The following CNTN5 variants were observed in gnomAD, a reference collection of about 807,000 sequenced individuals.
CNTN5 encodes contactin 5.
CNTN5 carries 77 observed loss-of-function variants against 129.1 expected under a neutral mutation model. That is an observed-to-expected ratio of 0.60 (90% CI 0.50 to 0.72). The LOEUF is 0.72. CNTN5 is among the 30% of genes least tolerant of loss of function. The pLI, the probability that CNTN5 is intolerant of heterozygous loss-of-function variation, is 0.00. For missense variants in CNTN5, 1,478 were observed against 1,328.8 expected (o/e 1.11, Z -1.75); for synonymous variants, 509 against 465.6 (o/e 1.09, Z -1.20).
At chr11:99,245,185 G>A (rs540838535) in intron 1 of CNTN5, among the ~76,000 whole-genome samples, 17 of 152,248 alleles carry the variant, frequency 1.1e-4, no homozygotes, top group Admixed American at 3.9e-4. Flanking sequence ...ACTGATGGTC[G>A]TTCTTTGAAT....
chr11:99,727,944 A>G (rs769803436), intron 3 of CNTN5, among the ~76,000 whole-genome samples: 6 of 152,172 alleles, frequency 3.9e-5, no homozygotes, highest in Admixed American at 6.5e-5. Context: ...AGTTTAAATC[A>G]TTTGTCTGAG....
At position 99,745,974 on chromosome 11, in the gene CNTN5, T is replaced by C. The variant is rs150764615; in HGVS notation, c.56-73570T>C. 3.2e-3 allele frequency among the ~76,000 whole-genome samples: 494 copies of C among 152,248 alleles called. 3 individuals carry two copies. The highest frequency in any genetic ancestry group is 0.011 in the African/African-American group (437 of 41,536). On this transcript the variant is annotated intron_variant, in intron 3 of 24. Transcript: ENST00000524871. ...CTTCCATTGGTGGAGGTGACAAATATGTTCAGGGAAGTATTACCAAAAAAG... is the reference window on the plus strand; with the variant it reads ...CTTCCATTGGTGGAGGTGACAAATACGTTCAGGGAAGTATTACCAAAAAAG...
intron 13 of CNTN5, among the ~76,000 whole-genome samples, chr11:100,131,362 G>T (rs1324474942): frequency 6.6e-6 from 1 of 152,070 alleles, no homozygotes; most frequent in African/African-American, 2.4e-5. Flanking sequence ...GTGAGGATTT[G>T]AGTGACTGGG....
At chr11:99,060,583 A>G (rs1864832419) in intron 1 of CNTN5, among the ~76,000 whole-genome samples, 1 of 151,464 alleles carries the variant, frequency 6.6e-6, no homozygotes, top group African/African-American at 2.4e-5. Flanking sequence ...CAGGAAGAAA[A>G]GAAATGAGCT....
chr11:99,796,115 A>G lies in CNTN5; in HGVS notation c.56-23429A>G, dbSNP rs117332088. 3.0e-3 allele frequency among the ~76,000 whole-genome samples: 461 copies of G among 152,270 alleles called. 2 individuals carry two copies. The highest frequency in any genetic ancestry group is 5.2e-3 in the Non-Finnish European group (355 of 68,014). On this transcript the variant is annotated intron_variant, in intron 3 of 24. Transcript: ENST00000524871. The stretch of plus-strand genomic sequence containing the variant: ...AGGGCCACTGGCATCTGTGCACTCA[A>G]TCACACTGCTAGCAGTGTTGGCATG...
rs1249698333 is a variant in CNTN5, at chr11:100,051,669, ACT to A, written c.981-9541_981-9540del. 5.9e-5 allele frequency among the ~76,000 whole-genome samples: 9 copies of A among 151,924 alleles called. No homozygotes were observed. The East Asian group carries it at 9.7e-4, about 16-fold the overall frequency. ...GGACAGATAATAAGGAAAAAGTAAAACTCAAATCTCATTTTTAGAAAATATTA... is the reference window on the plus strand; with the variant it reads ...GGACAGATAATAAGGAAAAAGTAAAACAAATCTCATTTTTAGAAAATATTA... On this transcript the variant is annotated intron_variant, in intron 9 of 24. Coordinates refer to ENST00000524871, the MANE Select transcript of CNTN5 (RefSeq NM_014361.4).
chr11:99,735,961 G>A (rs114301337), intron 3 of CNTN5, among the ~76,000 whole-genome samples: 2,763 of 152,106 alleles, frequency 0.018, 80 homozygotes, highest in African/African-American at 0.062. Flanking sequence ...GACAACCACC[G>A]TTCTGCTCTG....
intron 18 of CNTN5, among the ~76,000 whole-genome samples, chr11:100,288,823 G>T (rs1270523707): frequency 1.3e-5 from 2 of 152,072 alleles, no homozygotes; most frequent in African/African-American, 4.8e-5. Context: ...TCCAGGAGCT[G>T]GTTTTTTGAA....
chr11:99,030,882 G>T (rs768875326), intron 1 of CNTN5, among the ~76,000 whole-genome samples: 36 of 149,764 alleles, frequency 2.4e-4, no homozygotes, highest in Non-Finnish European at 5.0e-4. Flanking sequence ...CCGGGTTCAC[G>T]CCATTCTGCT....
At chr11:99,400,087 T>C (rs1254067975) in intron 2 of CNTN5, among the ~76,000 whole-genome samples, 2 of 152,088 alleles carry the variant, frequency 1.3e-5, no homozygotes, top group Non-Finnish European at 2.9e-5. Flanking sequence ...CCTTGTGCTA[T>C]CAAATACTAG....
At chr11:100,262,571 A>C (rs562510373) in intron 17 of CNTN5, among the ~76,000 whole-genome samples, 2 of 152,232 alleles carry the variant, frequency 1.3e-5, no homozygotes, top group Non-Finnish European at 2.9e-5. Context: ...CTGGATGAAG[A>C]AAATGTGGCA....
chr11:100,117,511 A>G (rs1482535863), intron 13 of CNTN5, among the ~76,000 whole-genome samples: 1 of 151,946 alleles, frequency 6.6e-6, no homozygotes, highest in African/African-American at 2.4e-5. Flanking sequence ...GATTACGTGA[A>G]ATAGTACATA....
intron 2 of CNTN5, among the ~76,000 whole-genome samples, chr11:99,451,545 A>G: frequency 6.6e-6 from 1 of 152,196 alleles, no homozygotes; most frequent in East Asian, 1.9e-4. Flanking sequence ...ATGAGATTTG[A>G]TGAGTGACAG....
intron 3 of CNTN5, among the ~76,000 whole-genome samples, chr11:99,606,623 A>G (rs1443206116): frequency 7.2e-6 from 1 of 138,080 alleles, no homozygotes. Context: ...GAACCAAAAA[A>G]GAGCCCGCAT....
intron 1 of CNTN5, among the ~76,000 whole-genome samples, chr11:99,221,628 T>A (rs1860400748): frequency 2.6e-5 from 4 of 151,940 alleles, no homozygotes. Flanking sequence ...TTTTTAACTT[T>A]CTGTGTCCCA....
intron 2 of CNTN5, among the ~76,000 whole-genome samples, chr11:99,491,348 T>C (rs1946028840): frequency 6.6e-6 from 1 of 152,122 alleles, no homozygotes; most frequent in Non-Finnish European, 1.5e-5. Context: ...AGTAATAAGA[T>C]TGCTAACATA....
At chr11:99,506,610 T>TG (rs146249779) in intron 2 of CNTN5, among the ~76,000 whole-genome samples, 39,911 of 151,640 alleles carry the variant, frequency 0.26, 5,586 homozygotes, top group Non-Finnish European at 0.3. Flanking sequence ...AAGTGTGTGT[T>TG]TTTTCTCTTC....
At chr11:99,934,026 C>T (rs1453944328) in intron 7 of CNTN5, among the ~76,000 whole-genome samples, 1 of 152,140 alleles carries the variant, frequency 6.6e-6, no homozygotes, top group African/African-American at 2.4e-5. Context: ...CTTTATGTTG[C>T]TATCATTCTA....
intron 3 of CNTN5, among the ~76,000 whole-genome samples, chr11:99,729,119 C>G (rs904557520): frequency 6.6e-6 from 1 of 152,010 alleles, no homozygotes; most frequent in African/African-American, 2.4e-5. Flanking sequence ...AGATAGGCAT[C>G]TTTATGTCTT....
Sources: allele counts gnomAD v4.1 joint callset (sites outside exome capture counted in the v4.1 genomes callset), GRCh38; gene constraint gnomAD v4.1.1; transcripts MANE v1.5; gene names NCBI Gene and HGNC (gene_info 2026-07-23, HGNC 2026-07-21).